The following ASH1L variants were observed in gnomAD, a reference collection of about 807,000 sequenced individuals.
The protein encoded by ASH1L is ASH1 like histone lysine methyltransferase.
In ASH1L, 23 loss-of-function variants were observed where a neutral mutation model predicts 269.0. That is an observed-to-expected ratio of 0.09 (90% CI 0.06 to 0.12). ASH1L has a LOEUF of 0.12. Among genes scored for constraint, ASH1L ranks in the 10% least tolerant of loss-of-function variants. The probability of loss-of-function intolerance (pLI) is 1.00; values close to 1 mark genes in which losing one functional copy is unlikely to be tolerated. For synonymous variants in ASH1L, 1,187 were observed against 1,253.5 expected (o/e 0.95, Z 1.12); for missense variants, 2,912 against 3,567.8 (o/e 0.82, Z 4.68).
intron 3 of ASH1L, among the ~76,000 whole-genome samples, chr1:155,471,839 C>T (rs1301397901): frequency 6.6e-6 from 1 of 152,232 alleles, no homozygotes; most frequent in Non-Finnish European, 1.5e-5. Flanking sequence ...TCTGCAGTCT[C>T]ATGATGAACT....
rs563815644 is a variant in ASH1L at position 155,401,395 on chromosome 1, C to G, written c.6009-5842G>C. Among the ~76,000 whole-genome samples the G allele has an allele frequency of 6.6e-5, 10 of 150,946 alleles. No homozygotes were observed. In the South Asian group the frequency reaches 2.1e-3, roughly 32 times the overall value. On this transcript the variant is annotated intron_variant, in intron 6 of 27. Transcript: ENST00000392403. The stretch of plus-strand genomic sequence containing the variant: ...CAAGAGGCTGAGGCAGGAGAATTGC[C>G]TGAACCTGGGAGGCGGAGATTGCAG...
chr1:155,436,662 A>G (rs1662124748), intron 5 of ASH1L, among the ~76,000 whole-genome samples: 2 of 148,998 alleles, frequency 1.3e-5, no homozygotes, highest in Non-Finnish European at 3.0e-5. Context: ...ACGCCTGGCT[A>G]ATTTTTCTAT....
intron 6 of ASH1L, among the ~76,000 whole-genome samples, chr1:155,410,620 G>A (rs1005776536): frequency 1.5e-4 from 23 of 152,156 alleles, no homozygotes; most frequent in African/African-American, 4.6e-4. Context: ...GATTACAGGC[G>A]TGAGCAATCG....
chr1:155,492,053 T>C (rs1428890129), intron 2 of ASH1L, among the ~76,000 whole-genome samples: 1 of 148,116 alleles, frequency 6.8e-6, no homozygotes, highest in Non-Finnish European at 1.5e-5. Flanking sequence ...TTTTTTTTTT[T>C]GATGGAGTTT....
chr1:155,426,625 G>C (rs1661180163), intron 5 of ASH1L, among the ~76,000 whole-genome samples: 1 of 152,154 alleles, frequency 6.6e-6, no homozygotes, highest in African/African-American at 2.4e-5. Flanking sequence ...TTTTATAATA[G>C]ATTTGTGTAT....
At chr1:155,507,229 G>A (rs979016364) in intron 2 of ASH1L, among the ~76,000 whole-genome samples, 1 of 149,996 alleles carries the variant, frequency 6.7e-6, no homozygotes, top group Admixed American at 6.6e-5. Context: ...GCGGTGTGCC[G>A]AGATCGCGCC....
intron 5 of ASH1L, among the ~76,000 whole-genome samples, chr1:155,421,230 TAA>T (rs67434918): frequency 8.4e-4 from 80 of 95,666 alleles, no homozygotes; most frequent in East Asian, 9.8e-4. Context: ...TTCTGTGTCT[TAA>T]AAAAAAAAAA....
At chr1:155,411,982 C>T (rs1256704522) in intron 6 of ASH1L, among the ~76,000 whole-genome samples, 1 of 152,078 alleles carries the variant, frequency 6.6e-6, no homozygotes, top group Non-Finnish European at 1.5e-5. Flanking sequence ...TGGCTCACTC[C>T]TGTAATCCCA....
intron 2 of ASH1L, among the ~76,000 whole-genome samples, chr1:155,506,736 T>C (rs374373012): frequency 2.5e-4 from 38 of 152,194 alleles, no homozygotes; most frequent in African/African-American, 7.0e-4. Flanking sequence ...ACCAGTTATA[T>C]AGCATTATAA....
At chr1:155,512,815 T>G (rs992093906) in intron 2 of ASH1L, among the ~76,000 whole-genome samples, 6 of 151,798 alleles carry the variant, frequency 4.0e-5, no homozygotes. Flanking sequence ...ATCCCAGCAC[T>G]TTGGGGGGCT....
intron 12 of ASH1L, among the ~76,000 whole-genome samples, chr1:155,362,500 A>C (rs1655055602): frequency 6.6e-6 from 1 of 152,082 alleles, no homozygotes; most frequent in Non-Finnish European, 1.5e-5. Flanking sequence ...CAATTATATA[A>C]AAATATGTAA....
chr1:155,513,655 G>A (rs1335203225), intron 2 of ASH1L, among the ~76,000 whole-genome samples: 3 of 150,820 alleles, frequency 2.0e-5, no homozygotes, highest in South Asian at 2.1e-4. Context: ...ATTGCAATAC[G>A]ACCAAAAATT....
At chr1:155,436,219 C>T (rs1354655333) in intron 5 of ASH1L, among the ~76,000 whole-genome samples, 11 of 151,986 alleles carry the variant, frequency 7.2e-5, no homozygotes, top group East Asian at 1.9e-4. Flanking sequence ...GACAAAGTTT[C>T]GCTCTTGTTG....
At position 155,521,475 on chromosome 1, in the gene ASH1L, G is replaced by A. The variant is rs767870687; in HGVS notation, c.45C>T (p.Ser15=). The A allele has an allele frequency of 8.1e-6, 13 of 1,613,684 alleles. No individual in the cohort carries two copies. Among genetic ancestry groups the A allele is most frequent in the African/African-American group, 6.7e-5 (5 of 74,814 alleles). ...NTAMLGLGSD[S]EGFSRKSPSA... is the part of the protein sequence containing the mutation. ...AAGGACTCTTTCTTGAAAAACCTTC[G>A]GAATCAGAACCCAATCCTAACATAG... The change falls in exon 2 of 28, where the codon TCC becomes TCT. Residue 15 remains serine (S), a synonymous_variant. Coordinates refer to ENST00000392403, the MANE Select transcript of ASH1L (RefSeq NM_018489.3).
In ASH1L at chr1:155,478,139, A is replaced by C. The variant is rs1217669780; in HGVS notation, c.4731T>G (p.Ile1577Met). ...AGCTTGGAGAACTTTCTGAACAGTC[A>C]ATCTGTAAAGGTGTCTGCAATCCCA... The part of the protein sequence containing the change: ...LALGLQTPLQ[I>M]DCSESSPSLS... Residue 1577 changes from isoleucine (I) to methionine (M), a missense_variant, in exon 3 of 28, where the codon ATT becomes ATG. Physicochemically the swap from Ile to Met is conservative, Grantham distance 10. Transcript: ENST00000392403. The surrounding 1 kb of genome is among the most constrained non-coding windows in gnomAD (Gnocchi z 4.6). 1.2e-6 allele frequency: 2 copies of C among 1,613,978 alleles called. No individual in the cohort carries two copies. Among genetic ancestry groups the C allele is most frequent in the South Asian group, 1.1e-5 (1 of 91,074 alleles).
intron 1 of ASH1L, among the ~76,000 whole-genome samples, chr1:155,554,714 C>CA (rs573837526): frequency 9.5e-4 from 143 of 150,220 alleles, no homozygotes; most frequent in African/African-American, 2.4e-3. Flanking sequence ...AAAACAAAAA[C>CA]AAAAAAAAAC....
At chr1:155,463,931 T>C (rs952805544) in intron 3 of ASH1L, among the ~76,000 whole-genome samples, 7 of 152,154 alleles carry the variant, frequency 4.6e-5, no homozygotes, top group Non-Finnish European at 8.8e-5. Context: ...TATAGGCACC[T>C]CCAGGGCTGG....
chr1:155,510,832 A>G (rs1217549830), intron 2 of ASH1L, among the ~76,000 whole-genome samples: 2 of 152,168 alleles, frequency 1.3e-5, no homozygotes, highest in Non-Finnish European at 2.9e-5. Context: ...TTTTAACTAA[A>G]ATAGGCTGAT....
At chr1:155,386,293 C>A (rs1341421656) in intron 7 of ASH1L, among the ~76,000 whole-genome samples, 1 of 152,062 alleles carries the variant, frequency 6.6e-6, no homozygotes, top group Non-Finnish European at 1.5e-5. Context: ...GTCTCAAACT[C>A]CTGACCTCAG....
Sources: gnomAD v4.1 joint callset for allele counts (sites outside exome capture counted in the v4.1 genomes callset) on GRCh38, gnomAD v4.1.1 for gene constraint, Gnocchi (gnomAD v3.1) non-coding constraint, MANE v1.5 for transcripts, NCBI Gene and HGNC (gene_info 2026-07-23, HGNC 2026-07-21) for gene names.